The following DNAH10 variants were observed in gnomAD, a reference collection of about 807,000 sequenced individuals.
DNAH10 encodes the protein axonemal beta dynein heavy chain 10.
Under a neutral mutation model 506.6 loss-of-function variants are expected in DNAH10, and 348 were observed. That is an observed-to-expected ratio of 0.69 (90% CI 0.63 to 0.75). The LOEUF (loss-of-function observed/expected upper bound fraction) is 0.75, where lower values mean the gene tolerates loss of function less well. Ranked by LOEUF, DNAH10 falls within the 30% of genes least tolerant of loss-of-function variation. The probability of loss-of-function intolerance (pLI) is 0.00; values close to 1 mark genes in which losing one functional copy is unlikely to be tolerated. For synonymous variants in DNAH10, 2,059 were observed against 2,198.6 expected (o/e 0.94, Z 1.78); for missense variants, 5,179 against 5,787.1 (o/e 0.89, Z 3.41).
At chr12:123,814,581 A>C (rs1167657996) in intron 21 of DNAH10, among the ~76,000 whole-genome samples, 1 of 146,032 alleles carries the variant, frequency 6.8e-6, no homozygotes. Context: ...TCTCTTCTCT[A>C]GTTTGTATTT....
At chr12:123,864,478 G>A in intron 39 of DNAH10, 117 bp from the exon 40 acceptor site, 4 of 1,408,342 alleles carry the variant, frequency 2.8e-6, no homozygotes, top group Non-Finnish European at 3.8e-6. Flanking sequence ...CTCTGTCTCA[G>A]ATACTGGGTA....
intron 57 of DNAH10, chr12:123,908,176 T>TCC (rs1953889185): frequency 1.4e-5 from 5 of 368,360 alleles, no homozygotes; most frequent in African/African-American, 8.8e-5. Flanking sequence ...CCTCCCTGTC[T>TCC]CTCTGTCTCC....
At position 123,787,873 on chromosome 12, in the gene DNAH10, C is replaced by T. The variant is rs144145237; in HGVS notation, c.1491C>T (p.Ala497=). 306 of 1,614,008 alleles carry T rather than the reference C, an allele frequency of 1.9e-4. 2 individuals carry two copies. The Middle Eastern group carries it at 6.1e-3, about 32-fold the overall frequency. The change falls in exon 10 of 79, where the codon GCC becomes GCT. Residue 497 remains alanine (A), a synonymous_variant. Transcript: ENST00000673944. This position sits in a 1 kb window ranked among gnomAD's most constrained non-coding sequence, Gnocchi z 4.6. ...ARNTLRLWKK[A]YFDTRAKIEA... The stretch of plus-strand genomic sequence containing the variant: ...ACACCCTCAGGCTGTGGAAAAAGGC[C>T]TATTTTGACACCCGGGCCAAGATAG...
chr12:123,766,167 C>G (rs571989650), intron 1 of DNAH10, among the ~76,000 whole-genome samples: 36 of 152,094 alleles, frequency 2.4e-4, no homozygotes, highest in African/African-American at 8.7e-4. Context: ...ACATCTATCT[C>G]TCTCTATCTA....
At chr12:123,768,113 C>T (rs995378711) in intron 2 of DNAH10, among the ~76,000 whole-genome samples, 1 of 148,472 alleles carries the variant, frequency 6.7e-6, no homozygotes, top group African/African-American at 2.5e-5. Context: ...CTCCGTGTGT[C>T]CTCTCTCCTC....
At chr12:123,933,962 A>C (rs564614476) in intron 77 of DNAH10, 13 of 469,538 alleles carry the variant, frequency 2.8e-5, no homozygotes, top group Middle Eastern at 2.9e-4. Context: ...TGTGCAAATG[A>C]GAGCTGGAAA....
Position 123,914,534 on chromosome 12 carries a change from G to C in DNAH10, c.10558G>C (p.Asp3520His). 1 of 1,613,200 alleles carries C rather than the reference G, an allele frequency of 6.2e-7. No homozygotes were observed. Among genetic ancestry groups the C allele is most frequent in the Non-Finnish European group, 8.5e-7 (1 of 1,179,732 alleles). Residue 3520 changes from aspartate to histidine, a missense_variant, in exon 61 of 79, where the codon GAT becomes CAT. By Grantham distance (81) the Asp-to-His change is moderately conservative. Coordinates refer to ENST00000673944, the MANE Select transcript of DNAH10 (RefSeq NM_001372106.1). Reference sequence around the variant, plus strand: ...CCGGCTGGAAAGCCTGCTCACGGATGATGTTGAGATCAGCAGGTGTGTGGC... The same window carrying C: ...CCGGCTGGAAAGCCTGCTCACGGATCATGTTGAGATCAGCAGGTGTGTGGC... ...PFRLESLLTD[D>H]VEISRWGSQG...
intron 30 of DNAH10, among the ~76,000 whole-genome samples, chr12:123,843,410 G>T (rs1300785022): frequency 6.6e-6 from 1 of 152,076 alleles, no homozygotes; most frequent in South Asian, 2.1e-4. Context: ...GCCCGTCTTT[G>T]TTCATCATTT....
intron 76 of DNAH10, 57 bp from the exon 77 acceptor site, chr12:123,933,274 G>C: frequency 7.4e-7 from 1 of 1,354,298 alleles, no homozygotes; most frequent in South Asian, 1.8e-5. Context: ...GGCCAGCTTT[G>C]ACCTGGCATT....
At chr12:123,766,346 C>T (rs7316847) in intron 1 of DNAH10, among the ~76,000 whole-genome samples, 22,409 of 151,932 alleles carry the variant, frequency 0.15, 3,185 homozygotes, top group African/African-American at 0.37. Context: ...ATCCTTGTTC[C>T]ATCTACAGTC....
In DNAH10 at chr12:123,808,790, C is replaced by T. The variant is rs551591668; in HGVS notation, c.2988-7C>T. 52 of 1,614,040 alleles carry T rather than the reference C, an allele frequency of 3.2e-5. No homozygotes were observed. The South Asian group carries it at 4.8e-4, about 15-fold the overall frequency. ...CACTCTGAGTCTTTCTCATCAACCC[C>T]TCTTAGGAACTTGCAGTCTTTTAAT... On this transcript the variant is annotated splice_polypyrimidine_tract_variant and splice_region_variant and intron_variant, in intron 18 of 78. Coordinates refer to ENST00000673944, the MANE Select transcript of DNAH10 (RefSeq NM_001372106.1).
chr12:123,811,650 A>G (rs1958938422), intron 19 of DNAH10, among the ~76,000 whole-genome samples: 1 of 152,018 alleles, frequency 6.6e-6, no homozygotes, highest in Admixed American at 6.6e-5. Flanking sequence ...ATAGGAGCCC[A>G]CCACCACGCC....
chr12:123,909,117 T>C lies in DNAH10; in HGVS notation c.9816-144T>C, dbSNP rs1220354371. 8.7e-6 allele frequency: 10 copies of C among 1,147,204 alleles called. No individual in the cohort carries two copies. In the African/African-American group the frequency reaches 1.1e-4, roughly 13 times the overall value. 71.1% of individuals were successfully genotyped at this position (1,147,204 alleles called of 1,614,324 possible). On this transcript the variant is annotated intron_variant, in intron 57 of 78. Coordinates refer to ENST00000673944, the MANE Select transcript of DNAH10 (RefSeq NM_001372106.1). This position sits in a 1 kb window ranked among gnomAD's most constrained non-coding sequence, Gnocchi z 5.4. Reference sequence around the variant, plus strand: ...CTCCCGCCCAGGAGTGCGGTTTGTGTTGGGACCTGGCTTCTTTCGTTTGCT... The same window carrying C: ...CTCCCGCCCAGGAGTGCGGTTTGTGCTGGGACCTGGCTTCTTTCGTTTGCT...
At chr12:123,795,462 C>T (rs572097222) in intron 12 of DNAH10, among the ~76,000 whole-genome samples, 10 of 152,270 alleles carry the variant, frequency 6.6e-5, no homozygotes, top group African/African-American at 2.2e-4. Flanking sequence ...TTTGCTTTCC[C>T]CAAATTCTAG....
At chr12:123,858,277 CAG>C (rs1951476904) in intron 37 of DNAH10, among the ~76,000 whole-genome samples, 1 of 152,228 alleles carries the variant, frequency 6.6e-6, no homozygotes, top group Admixed American at 6.5e-5. Flanking sequence ...TATTGATTGG[CAG>C]AGTCCTGCTG....
intron 47 of DNAH10, among the ~76,000 whole-genome samples, chr12:123,877,286 T>C (rs1187151994): frequency 1.3e-5 from 2 of 152,148 alleles, no homozygotes; most frequent in African/African-American, 4.8e-5. Flanking sequence ...TGCTGGAGCT[T>C]GTGTCTGTCA....
At chr12:123,879,568 T>C in intron 49 of DNAH10, 66 bp from the exon 50 acceptor site, 1 of 1,596,630 alleles carries the variant, frequency 6.3e-7, no homozygotes, top group Non-Finnish European at 8.5e-7. Flanking sequence ...TATCCTCTGC[T>C]CCTAGCAAGT....
At chr12:123,834,307 A>G (rs1355928177) in intron 27 of DNAH10, among the ~76,000 whole-genome samples, 2 of 152,104 alleles carry the variant, frequency 1.3e-5, no homozygotes, top group Non-Finnish European at 1.5e-5. Flanking sequence ...AGCCGGATTC[A>G]AGTGATTCTC....
intron 78 of DNAH10, 23 bp downstream of exon 78, chr12:123,934,789 T>G: frequency 1.9e-6 from 3 of 1,612,626 alleles, no homozygotes; most frequent in Non-Finnish European, 2.5e-6. Flanking sequence ...GCCCCTCCTC[T>G]CTGACACCAG....
Sources: allele counts gnomAD v4.1 joint callset (sites outside exome capture counted in the v4.1 genomes callset), GRCh38; gene constraint gnomAD v4.1.1; non-coding constraint Gnocchi (gnomAD v3.1); transcripts MANE v1.5; gene names NCBI Gene and HGNC (gene_info 2026-07-23, HGNC 2026-07-21).